The following DGKB variants were observed in gnomAD, a reference collection of about 807,000 sequenced individuals.
DGKB encodes diacylglycerol kinase beta.
Under a neutral mutation model 114.3 loss-of-function variants are expected in DGKB, and 67 were observed. That is an observed-to-expected ratio of 0.59 (90% CI 0.48 to 0.72). The LOEUF (loss-of-function observed/expected upper bound fraction) is 0.72, where lower values mean the gene tolerates loss of function less well. DGKB is among the 30% of genes least tolerant of loss of function. The pLI is 0.00. For missense variants in DGKB, 907 were observed against 975.2 expected (o/e 0.93, Z 0.93); for synonymous variants, 398 against 323.1 (o/e 1.23, Z -2.49).
intron 4 of DGKB, among the ~76,000 whole-genome samples, chr7:14,742,725 T>A (rs1022465467): frequency 2.4e-4 from 37 of 152,204 alleles, no homozygotes; most frequent in Non-Finnish European, 4.1e-4. Flanking sequence ...GATTTTACAT[T>A]AAAGTTTAAA....
At chr7:14,260,856 T>G (rs6976092) in intron 23 of DGKB, among the ~76,000 whole-genome samples, 12,213 of 152,288 alleles carry the variant, frequency 0.08, 493 homozygotes, top group African/African-American at 0.1. Context: ...TACAAAAAGC[T>G]AATTCATTGC....
intron 21 of DGKB, among the ~76,000 whole-genome samples, chr7:14,354,383 G>A (rs906058006): frequency 2.6e-5 from 4 of 152,126 alleles, no homozygotes; most frequent in Non-Finnish European, 5.9e-5. Context: ...TTCCACTCCT[G>A]ACTTTGGGTA....
chr7:14,698,109 T>C lies in DGKB; in HGVS notation c.577A>G (p.Thr193Ala), dbSNP rs1200998582. ...HVAEYLEWDV[T>A]ELNPILHEMM... Reference sequence around the variant, plus strand: ...CATATACCTACTGGATTAAGTTCAGTGACATCCCACTCAAGGTATTCTGCA... The same window carrying C: ...CATATACCTACTGGATTAAGTTCAGCGACATCCCACTCAAGGTATTCTGCA... The change falls in exon 8 of 26, where the codon ACT (threonine) becomes GCT (alanine). Residue 193 changes from threonine (T) to alanine (A), a missense_variant. By Grantham distance (58) the Thr-to-Ala change is moderately conservative (BLOSUM62 0). Coordinates refer to ENST00000402815, the MANE Select transcript of DGKB (RefSeq NM_001350709.2). The C allele has an allele frequency of 9.7e-6, 15 of 1,548,638 alleles. No individual in the cohort carries two copies. Among genetic ancestry groups the C allele is most frequent in the Admixed American group, 3.9e-5 (2 of 51,142 alleles).
chr7:14,919,775 A>G (rs1784426271), intron 1 of DGKB, among the ~76,000 whole-genome samples: 1 of 152,156 alleles, frequency 6.6e-6, no homozygotes, highest in African/African-American at 2.4e-5. Flanking sequence ...GCTTGGTGCC[A>G]TCCCCTTCAT....
At chr7:14,201,329 T>A (rs924208101) in intron 23 of DGKB, among the ~76,000 whole-genome samples, 1 of 151,952 alleles carries the variant, frequency 6.6e-6, no homozygotes, top group Admixed American at 6.6e-5. Flanking sequence ...AGAATTTCAA[T>A]ATATGAATTT....
intron 1 of DGKB, among the ~76,000 whole-genome samples, chr7:14,874,703 G>A (rs1223141405): frequency 6.6e-6 from 1 of 152,008 alleles, no homozygotes; most frequent in African/African-American, 2.4e-5. Flanking sequence ...AAAGCCATCT[G>A]AAATACTGCT....
rs193003952 is a variant in DGKB at position 14,743,948 on chromosome 7, C to T, written c.169-7754G>A. On this transcript the variant is annotated intron_variant, in intron 4 of 25. Coordinates refer to ENST00000402815, the MANE Select transcript of DGKB (RefSeq NM_001350709.2). ...CTCTAACACTGGACTAAAGGGAAAA[C>T]GTACAGGACTCATGAAAGAGCTGAA... Among the ~76,000 whole-genome samples the T allele has an allele frequency of 5.7e-3, 862 of 152,224 alleles. 5 individuals are homozygous for T. Among genetic ancestry groups the T allele is most frequent in the South Asian group, 0.022 (104 of 4,824 alleles).
intron 25 of DGKB, among the ~76,000 whole-genome samples, chr7:14,157,006 ATT>A (rs1562490783): frequency 6.6e-6 from 1 of 152,038 alleles, no homozygotes; most frequent in Non-Finnish European, 1.5e-5. Context: ...AGCAGGTAGC[ATT>A]TTTTCCTATT....
At chr7:14,391,258 A>G (rs1212177260) in intron 21 of DGKB, among the ~76,000 whole-genome samples, 2 of 152,196 alleles carry the variant, frequency 1.3e-5, no homozygotes, top group African/African-American at 2.4e-5. Context: ...GAAGAAGTCT[A>G]TGCTGAGAAT....
At chr7:14,473,732 T>A (rs1781762088) in intron 21 of DGKB, among the ~76,000 whole-genome samples, 1 of 152,214 alleles carries the variant, frequency 6.6e-6, no homozygotes, top group South Asian at 2.1e-4. Flanking sequence ...GCCTACTTCT[T>A]GCATCAGCTT....
At chr7:14,876,040 A>C (rs1217320779) in intron 1 of DGKB, among the ~76,000 whole-genome samples, 1 of 152,148 alleles carries the variant, frequency 6.6e-6, no homozygotes, top group African/African-American at 2.4e-5. Flanking sequence ...TTGAGGTAGG[A>C]GGCAGGACTC....
At chr7:14,164,333 C>G (rs905001594) in intron 25 of DGKB, among the ~76,000 whole-genome samples, 1 of 152,146 alleles carries the variant, frequency 6.6e-6, no homozygotes, top group Non-Finnish European at 1.5e-5. Context: ...AGTGTTGCTA[C>G]AATCGCTGTG....
At chr7:14,557,385 AT>A (rs1393671497) in intron 20 of DGKB, among the ~76,000 whole-genome samples, 6 of 152,134 alleles carry the variant, frequency 3.9e-5, no homozygotes, top group African/African-American at 9.7e-5. Flanking sequence ...TGTTAAAAAA[AT>A]ATTTGTGCCG....
intron 14 of DGKB, among the ~76,000 whole-genome samples, chr7:14,628,307 A>ATGTGTGTGTGTGTGTG (rs139191761): frequency 0.14 from 20,545 of 150,386 alleles, 2,014 homozygotes; most frequent in East Asian, 0.59. Flanking sequence ...AACACAAGTT[A>ATGTGTGTGTGTGTGTG]TGTGTGTGTG....
intron 1 of DGKB, among the ~76,000 whole-genome samples, chr7:14,880,181 C>A (rs1157802433): frequency 2.6e-5 from 4 of 152,086 alleles, no homozygotes; most frequent in African/African-American, 9.7e-5. Context: ...GAAAGAGTTG[C>A]ATTCTTTCAA....
intron 23 of DGKB, among the ~76,000 whole-genome samples, chr7:14,259,975 C>CAA: frequency 6.6e-6 from 1 of 152,108 alleles, no homozygotes. Context: ...AAATACATTT[C>CAA]AAATTGTTGA....
At chr7:14,511,662 A>C (rs1169079856) in intron 20 of DGKB, among the ~76,000 whole-genome samples, 1 of 152,210 alleles carries the variant, frequency 6.6e-6, no homozygotes, top group African/African-American at 2.4e-5. Context: ...TGTTTGGCTC[A>C]AGCGGCTTAG....
intron 1 of DGKB, among the ~76,000 whole-genome samples, chr7:14,970,240 A>G (rs10260897): frequency 0.31 from 47,135 of 151,874 alleles, 9,169 homozygotes; most frequent in African/African-American, 0.55. Context: ...ATGAACTATC[A>G]CCATCACATG....
intron 23 of DGKB, among the ~76,000 whole-genome samples, chr7:14,266,954 T>C (rs1797602809): frequency 1.3e-5 from 2 of 151,982 alleles, no homozygotes; most frequent in Non-Finnish European, 2.9e-5. Flanking sequence ...CATCTAAACA[T>C]TACCTTATAT....
Sources: gnomAD v4.1 joint callset for allele counts (sites outside exome capture counted in the v4.1 genomes callset) on GRCh38, gnomAD v4.1.1 for gene constraint, MANE v1.5 for transcripts, NCBI Gene and HGNC (gene_info 2026-07-23, HGNC 2026-07-21) for gene names.